The following NEGR1 variants were observed in gnomAD, a reference collection of about 807,000 sequenced individuals.
NEGR1 encodes the protein neuronal growth regulator 1.
In NEGR1, 10 loss-of-function variants were observed where a neutral mutation model predicts 40.9. That is an observed-to-expected ratio of 0.24 (90% CI 0.15 to 0.42). NEGR1 has a LOEUF of 0.42. NEGR1 is among the 10% of genes least tolerant of loss of function. The probability of loss-of-function intolerance (pLI) is 1.00; values close to 1 mark genes in which losing one functional copy is unlikely to be tolerated. For synonymous variants in NEGR1, 185 were observed against 166.8 expected (o/e 1.11, Z -0.84); for missense variants, 352 against 438.9 (o/e 0.80, Z 1.77).
At chr1:72,072,030 T>C (rs1487958198) in intron 1 of NEGR1, among the ~76,000 whole-genome samples, 1 of 152,150 alleles carries the variant, frequency 6.6e-6, no homozygotes, top group African/African-American at 2.4e-5. Flanking sequence ...TTAATATGAA[T>C]GTGTTATATG....
chr1:72,078,620 C>T (rs891656689), intron 1 of NEGR1, among the ~76,000 whole-genome samples: 7 of 135,840 alleles, frequency 5.2e-5, no homozygotes, highest in South Asian at 4.4e-4. Flanking sequence ...CATATACACT[C>T]ATATATATAT....
chr1:71,899,741 C>T (rs767588294), intron 2 of NEGR1, among the ~76,000 whole-genome samples: 2 of 152,042 alleles, frequency 1.3e-5, no homozygotes, highest in Non-Finnish European at 2.9e-5. Context: ...CTGTTTTTAT[C>T]AGAAACCATT....
chr1:71,903,302 A>G (rs1050942324), intron 2 of NEGR1, among the ~76,000 whole-genome samples: 1 of 152,014 alleles, frequency 6.6e-6, no homozygotes, highest in Non-Finnish European at 1.5e-5. Flanking sequence ...TACTAAATAA[A>G]TAAATTTTAT....
At chr1:72,033,851 T>G (rs1646879802) in intron 1 of NEGR1, among the ~76,000 whole-genome samples, 1 of 152,222 alleles carries the variant, frequency 6.6e-6, no homozygotes, top group Non-Finnish European at 1.5e-5. Context: ...TCAGGGGGAT[T>G]ATTTCATGTC....
At chr1:71,920,949 C>A (rs1392356391) in intron 2 of NEGR1, among the ~76,000 whole-genome samples, 1 of 152,088 alleles carries the variant, frequency 6.6e-6, no homozygotes, top group Non-Finnish European at 1.5e-5. Context: ...ATTTGTAGCT[C>A]TAATATTCAT....
chr1:72,149,820 G>A (rs1651048356), intron 1 of NEGR1, among the ~76,000 whole-genome samples: 1 of 146,044 alleles, frequency 6.8e-6, no homozygotes, highest in Non-Finnish European at 1.5e-5. Context: ...GGCGGAGGTT[G>A]TGGTGAGCCG....
At chr1:72,281,528 G>C (rs1179030997) in intron 1 of NEGR1, among the ~76,000 whole-genome samples, 1 of 151,870 alleles carries the variant, frequency 6.6e-6, no homozygotes, top group South Asian at 2.1e-4. Flanking sequence ...GGTATGGGGA[G>C]AGGGATGAGA....
intron 5 of NEGR1, among the ~76,000 whole-genome samples, chr1:71,604,345 C>A (rs915279309): frequency 6.6e-6 from 1 of 151,930 alleles, no homozygotes; most frequent in African/African-American, 2.4e-5. Flanking sequence ...TGCATGAAAA[C>A]AGTAAAGAAA....
At chr1:71,576,930 G>C (rs1648982755) in intron 6 of NEGR1, among the ~76,000 whole-genome samples, 1 of 152,156 alleles carries the variant, frequency 6.6e-6, no homozygotes, top group Admixed American at 6.5e-5. Flanking sequence ...CATAGAAGGG[G>C]CTATGTCCTT....
At chr1:71,611,402 A>G (rs984863515) in intron 4 of NEGR1, among the ~76,000 whole-genome samples, 8 of 152,110 alleles carry the variant, frequency 5.3e-5, no homozygotes, top group African/African-American at 1.9e-4. Flanking sequence ...CTTGCTTCCT[A>G]CTGGAAAAAT....
At position 71,719,942 on chromosome 1, in the gene NEGR1, C is replaced by T. The variant is rs561339615; in HGVS notation, c.536-21803G>A. On this transcript the variant is annotated intron_variant, in intron 3 of 6. Transcript: ENST00000357731. ...ATTATGTCCTGACCCTATAAGAGTGCATGTACTCAACATAATGGATATATC... is the reference window on the plus strand; with the variant it reads ...ATTATGTCCTGACCCTATAAGAGTGTATGTACTCAACATAATGGATATATC... Among the ~76,000 whole-genome samples, 12 of 152,104 alleles carry T rather than the reference C, an allele frequency of 7.9e-5. No homozygotes were observed. In the South Asian group the frequency reaches 2.1e-3, roughly 26 times the overall value.
intron 1 of NEGR1, among the ~76,000 whole-genome samples, chr1:72,141,696 A>G (rs1284581425): frequency 6.6e-6 from 1 of 152,092 alleles, no homozygotes; most frequent in East Asian, 1.9e-4. Flanking sequence ...ACAGGTAAAT[A>G]CACCTCTATG....
chr1:71,861,000 T>G (rs1002281005), intron 2 of NEGR1, among the ~76,000 whole-genome samples: 1 of 152,084 alleles, frequency 6.6e-6, no homozygotes, highest in Non-Finnish European at 1.5e-5. Context: ...TTGCTAACGA[T>G]TAAAAGCTAA....
At chr1:72,239,087 G>A (rs1172924056) in intron 1 of NEGR1, among the ~76,000 whole-genome samples, 5 of 151,634 alleles carry the variant, frequency 3.3e-5, no homozygotes. Context: ...CAAAGAAGTG[G>A]TCCATTCAAG....
intron 2 of NEGR1, among the ~76,000 whole-genome samples, chr1:71,797,574 A>G (rs1048087414): frequency 2.0e-5 from 3 of 152,218 alleles, no homozygotes; most frequent in Non-Finnish European, 4.4e-5. Context: ...AGGAAAATGT[A>G]TAAGATAATA....
intron 1 of NEGR1, among the ~76,000 whole-genome samples, chr1:72,212,911 A>G (rs972871954): frequency 6.6e-6 from 1 of 151,960 alleles, no homozygotes; most frequent in Non-Finnish European, 1.5e-5. Context: ...TGTCAAGTGT[A>G]TGATAAAGAT....
intron 1 of NEGR1, among the ~76,000 whole-genome samples, chr1:72,242,489 T>A (rs1166736063): frequency 2.0e-5 from 3 of 151,666 alleles, no homozygotes. Flanking sequence ...AAATATCTCT[T>A]GACTGATTTT....
At chr1:72,062,423 G>C (rs964464494) in intron 1 of NEGR1, among the ~76,000 whole-genome samples, 5 of 151,888 alleles carry the variant, frequency 3.3e-5, no homozygotes, top group Non-Finnish European at 5.9e-5. Context: ...GCTATATCTT[G>C]TACTACATGC....
chr1:71,688,615 C>T (rs963262701), intron 4 of NEGR1, among the ~76,000 whole-genome samples: 26 of 151,568 alleles, frequency 1.7e-4, no homozygotes, highest in African/African-American at 6.3e-4. Flanking sequence ...CGCCACCATG[C>T]CCAACTAATT....
Sources: allele counts gnomAD v4.1 joint callset (sites outside exome capture counted in the v4.1 genomes callset), GRCh38; gene constraint gnomAD v4.1.1; transcripts MANE v1.5; gene names NCBI Gene and HGNC (gene_info 2026-07-23, HGNC 2026-07-21).